SLC35F1: variants seen among roughly 807,000 people sequenced by gnomAD.
SLC35F1 encodes the protein solute carrier family 35 member F1.
A neutral mutation model predicts 48.7 loss-of-function variants in SLC35F1; 14 were observed. The observed-to-expected ratio is 0.29, with a 90% CI of 0.19 to 0.45. SLC35F1 has a LOEUF of 0.45. SLC35F1 is among the 20% of genes least tolerant of loss of function. SLC35F1 has a pLI of 1.00. For synonymous variants in SLC35F1, 190 were observed against 202.2 expected (o/e 0.94, Z 0.51); for missense variants, 404 against 500.0 (o/e 0.81, Z 1.83).
At chr6:118,151,661 A>G (rs953995727) in intron 1 of SLC35F1, among the ~76,000 whole-genome samples, 1 of 152,058 alleles carries the variant, frequency 6.6e-6, no homozygotes, top group Admixed American at 6.6e-5. Context: ...GACTACAGAC[A>G]TGCACCACCA....
At chr6:118,004,986 G>A (rs756646428) in intron 1 of SLC35F1, among the ~76,000 whole-genome samples, 12 of 152,068 alleles carry the variant, frequency 7.9e-5, no homozygotes, top group Non-Finnish European at 1.6e-4. Context: ...CTACAACATG[G>A]TGGATGTCAT....
rs566582023 is a variant in SLC35F1 at position 117,996,597 on chromosome 6, A to G, written c.173+88698A>G. On this transcript the variant is annotated intron_variant, in intron 1 of 7. Transcript: ENST00000360388. ...TCTGAGACAAAACTTCCAGAGGAAC[A>G]ATCAGACAGCAGCATTCGCGGTTCA... Among the ~76,000 whole-genome samples the G allele has an allele frequency of 3.6e-3, 549 of 152,290 alleles. 1 individual carries two copies. Among genetic ancestry groups the G allele is most frequent in the African/African-American group, 0.012 (518 of 41,558 alleles).
At chr6:118,234,791 G>T (rs1263267871) in intron 2 of SLC35F1, among the ~76,000 whole-genome samples, 1 of 152,140 alleles carries the variant, frequency 6.6e-6, no homozygotes, top group Non-Finnish European at 1.5e-5. Context: ...TGATTGCCCT[G>T]CCTTGAGAAA....
At chr6:118,040,173 G>T (rs1772193823) in intron 1 of SLC35F1, among the ~76,000 whole-genome samples, 1 of 152,110 alleles carries the variant, frequency 6.6e-6, no homozygotes, top group South Asian at 2.1e-4. Flanking sequence ...CCCTCTAGCT[G>T]CAGAGACTCC....
At chr6:118,015,485 C>G (rs1182435408) in intron 1 of SLC35F1, among the ~76,000 whole-genome samples, 2 of 151,710 alleles carry the variant, frequency 1.3e-5, no homozygotes, top group African/African-American at 4.8e-5. Context: ...CTGTTGTTCC[C>G]CTTTTTGTGT....
intron 3 of SLC35F1, among the ~76,000 whole-genome samples, chr6:118,264,277 C>G (rs1316228563): frequency 6.6e-6 from 1 of 152,204 alleles, no homozygotes; most frequent in Non-Finnish European, 1.5e-5. Flanking sequence ...AATGTCCCTT[C>G]TGACAGTCAG....
intron 1 of SLC35F1, among the ~76,000 whole-genome samples, chr6:118,061,413 T>C (rs1772534330): frequency 1.3e-5 from 2 of 152,162 alleles, no homozygotes; most frequent in Non-Finnish European, 2.9e-5. Context: ...TTTTCTTTTC[T>C]TTCTGAATTA....
chr6:117,923,669 A>ATATATGTACATATGTACATATATG (rs1775949758), intron 1 of SLC35F1, among the ~76,000 whole-genome samples: 13 of 49,280 alleles, frequency 2.6e-4, no homozygotes, highest in Non-Finnish European at 4.1e-4. Context: ...GTATATATAC[A>ATATATGTACATATGTACATATATG]TATATGTACA....
intron 2 of SLC35F1, among the ~76,000 whole-genome samples, chr6:118,185,900 G>A (rs975860773): frequency 6.6e-6 from 1 of 152,090 alleles, no homozygotes; most frequent in East Asian, 1.9e-4. Flanking sequence ...TGTCTACAAT[G>A]AATAGATTCA....
intron 6 of SLC35F1, 99 bp from the exon 7 acceptor site, chr6:118,285,085 T>C: frequency 8.0e-7 from 1 of 1,255,192 alleles, no homozygotes; most frequent in Non-Finnish European, 1.1e-6. Context: ...CTTGTGTGAG[T>C]GACAAGTGGT....
chr6:118,115,221 A>C (rs893035363), intron 1 of SLC35F1, among the ~76,000 whole-genome samples: 6 of 152,120 alleles, frequency 3.9e-5, no homozygotes, highest in African/African-American at 1.4e-4. Context: ...ACCATCAACT[A>C]TCTGCAGCAA....
At chr6:118,012,930 T>C (rs1182049081) in intron 1 of SLC35F1, among the ~76,000 whole-genome samples, 1 of 152,126 alleles carries the variant, frequency 6.6e-6, no homozygotes, top group African/African-American at 2.4e-5. Flanking sequence ...TTTTTTTCTT[T>C]TTGAGCAATT....
At chr6:118,126,361 C>T (rs552745152) in intron 1 of SLC35F1, among the ~76,000 whole-genome samples, 128 of 152,284 alleles carry the variant, frequency 8.4e-4, no homozygotes, top group African/African-American at 3.0e-3. Context: ...GGTACCAGTA[C>T]CATGCTGTTT....
intron 1 of SLC35F1, among the ~76,000 whole-genome samples, chr6:117,924,465 CAT>C (rs1491345737): frequency 2.0e-5 from 3 of 149,328 alleles, no homozygotes; most frequent in Non-Finnish European, 4.5e-5. Flanking sequence ...TATGTGTGTA[CAT>C]ATATACATAT....
intron 3 of SLC35F1, among the ~76,000 whole-genome samples, chr6:118,245,044 T>C (rs1775489633): frequency 6.6e-6 from 1 of 152,166 alleles, no homozygotes; most frequent in African/African-American, 2.4e-5. Context: ...GGTCTGGAAA[T>C]GTAAAGATAA....
intron 2 of SLC35F1, among the ~76,000 whole-genome samples, chr6:118,187,786 G>A (rs1305954252): frequency 1.3e-5 from 2 of 152,212 alleles, no homozygotes; most frequent in East Asian, 3.9e-4. Flanking sequence ...AAGCAAAGGG[G>A]AAACTCCTCC....
At chr6:118,260,341 A>C (rs1247288040) in intron 3 of SLC35F1, among the ~76,000 whole-genome samples, 1 of 152,156 alleles carries the variant, frequency 6.6e-6, no homozygotes, top group Non-Finnish European at 1.5e-5. Context: ...AAAACCACTA[A>C]TTGCATACTT....
intron 1 of SLC35F1, among the ~76,000 whole-genome samples, chr6:118,099,967 G>A (rs556192239): frequency 1.1e-4 from 16 of 152,206 alleles, no homozygotes; most frequent in East Asian, 3.9e-4. Flanking sequence ...AAAAAGCAAC[G>A]CATTAGTTTG....
intron 2 of SLC35F1, among the ~76,000 whole-genome samples, chr6:118,203,187 C>T (rs1013223785): frequency 6.6e-6 from 1 of 152,188 alleles, no homozygotes; most frequent in Non-Finnish European, 1.5e-5. Flanking sequence ...TGTCTCTGTG[C>T]ACATTCCCAC....
Sources: gnomAD v4.1 joint callset for allele counts (sites outside exome capture counted in the v4.1 genomes callset) on GRCh38, gnomAD v4.1.1 for gene constraint, MANE v1.5 for transcripts, NCBI Gene and HGNC (gene_info 2026-07-23, HGNC 2026-07-21) for gene names.